TMEM215: variants seen among roughly 807,000 people sequenced by gnomAD.
TMEM215 encodes the protein transmembrane protein 215.
In TMEM215, 12 loss-of-function variants were observed where a neutral mutation model predicts 14.7. That is an observed-to-expected ratio of 0.82 (90% confidence interval 0.52 to 1.33). The LOEUF (loss-of-function observed/expected upper bound fraction) is 1.33, where lower values mean the gene tolerates loss of function less well. Ranked by LOEUF, TMEM215 falls within the 40% of genes most tolerant of loss-of-function variation. The pLI is 0.00. For missense variants in TMEM215, 276 were observed against 296.2 expected, an observed-to-expected ratio of 0.93 and a Z score of 0.50; for synonymous variants, 122 against 124.8, an observed-to-expected ratio of 0.98 and a Z score of 0.15.
At position 32,784,916 on chromosome 9, in the gene TMEM215, T is replaced by C. The variant is rs200940000; in HGVS notation, c.*25T>C. On this transcript the variant is annotated 3_prime_UTR_variant, in exon 2 of 2. Coordinates refer to ENST00000342743, the MANE Select transcript of TMEM215 (RefSeq NM_212558.3). ...ATCTCTGCCTACAAAGGTGGCTGGA[T>C]TGATAGAATATGACTAAGCCCAGCT... 1.9e-5 allele frequency: 30 copies of C among 1,586,888 alleles called. 1 individual carries two copies. In the East Asian group the frequency reaches 3.8e-4, roughly 20 times the overall value.
Position 32,786,720 on chromosome 9 carries a change from A to C in TMEM215, c.*1829A>C, listed in dbSNP as rs565356157. ...ACATTGCACAGCTACTACTCAAAAA[A>C]GAATTTTGTAGATGTATGAAAGCAG... On this transcript the variant is annotated 3_prime_UTR_variant, in exon 2 of 2. Coordinates refer to ENST00000342743, the MANE Select transcript of TMEM215 (RefSeq NM_212558.3). 6.6e-5 allele frequency: 11 copies of C among 167,000 alleles called. No individual in the cohort carries two copies. The highest frequency in any genetic ancestry group is 1.5e-4 in the Non-Finnish European group (10 of 68,046). The allele number at this position is 167,000 out of a possible 1,614,324, so 10.3% of individuals were successfully genotyped here. A position where few individuals can be genotyped will look rare whatever the true frequency, so the allele number is the denominator to read the frequency against.
intron 1 of TMEM215, 80 bp from the exon 2 acceptor site, chr9:32,784,046 G>C: frequency 1.3e-6 from 1 of 755,100 alleles, no homozygotes; most frequent in Non-Finnish European, 2.2e-6. Context: ...GGAGACAAAG[G>C]GCAAGAGAAA....
At position 32,787,018 on chromosome 9, in the gene TMEM215, TAAG is replaced by T. The variant is rs1439077081; in HGVS notation, c.*2131_*2133del. 4.8e-5 allele frequency: 8 copies of T among 166,994 alleles called. No individual in the cohort carries two copies. Among genetic ancestry groups the T allele is most frequent in the Non-Finnish European group, 1.0e-4 (7 of 68,032 alleles). The allele number at this position is 166,994 out of a possible 1,614,324, so 10.3% of individuals were successfully genotyped here. On this transcript the variant is annotated 3_prime_UTR_variant, in exon 2 of 2. Transcript: ENST00000342743. ...ACTCTTTAGGAATGAAAACTTCCTT[TAAG>T]AAGTTTGCCACCGTTAGAGATGAGG...
rs1032816522 is a variant in TMEM215 at position 32,785,918 on chromosome 9, A to G, written c.*1027A>G. ...GTGTCATTATTTGTACATTTGTTCA[A>G]CTCCTCTCACAGACTGTAAATGCCA... On this transcript the variant is annotated 3_prime_UTR_variant, in exon 2 of 2. Coordinates refer to ENST00000342743, the MANE Select transcript of TMEM215 (RefSeq NM_212558.3). 6.0e-6 allele frequency: 1 copy of G among 166,832 alleles called. No homozygotes were observed. The highest frequency in any genetic ancestry group is 6.5e-5 in the Admixed American group (1 of 15,288). 10.3% of individuals were successfully genotyped at this position (166,832 alleles called of 1,614,324 possible). A position where few individuals can be genotyped will look rare whatever the true frequency, so the allele number is the denominator to read the frequency against.
At position 32,787,760 on chromosome 9, in the gene TMEM215, A is replaced by G. The variant is rs1267445534; in HGVS notation, c.*2869A>G. On this transcript the variant is annotated 3_prime_UTR_variant, in exon 2 of 2. Transcript: ENST00000342743. ...CCTGGTAGCCTTCAAGAGCTCCTAG[A>G]CAGATATAAATTTAAGTAGACATTA... is the stretch of plus-strand genomic sequence containing the variant. Among the ~76,000 whole-genome samples, 1 of 152,132 alleles carries G rather than the reference A, an allele frequency of 6.6e-6. No individual in the cohort carries two copies. The highest frequency in any genetic ancestry group is 2.1e-4 in the South Asian group (1 of 4,830).
chr9:32,783,975 TAGAG>T (rs1245804124), intron 1 of TMEM215, among the ~76,000 whole-genome samples, 147 bp from the exon 2 acceptor site: 2 of 151,346 alleles, frequency 1.3e-5, no homozygotes, highest in African/African-American at 4.9e-5. Context: ...GAGAGAGAGA[TAGAG>T]AGATTGCAAG....
chr9:32,784,137 G>C lies in TMEM215; in HGVS notation c.-47G>C. ...TTCATCTCTGACAGAATAGAGGAAC[G>C]CTGCTCCCTGGTCAGCAAGCAGCCC... On this transcript the variant is annotated 5_prime_UTR_variant, in exon 2 of 2. Transcript: ENST00000342743. 1.3e-6 allele frequency: 2 copies of C among 1,551,160 alleles called. No individual in the cohort carries two copies. Among genetic ancestry groups the C allele is most frequent in the African/African-American group, 1.4e-5 (1 of 73,250 alleles).
In TMEM215 at chr9:32,788,598, A is replaced by G. The variant is rs1416610178; in HGVS notation, c.*3707A>G. 6.6e-6 allele frequency among the ~76,000 whole-genome samples: 1 copy of G among 152,188 alleles called. No individual in the cohort carries two copies. The highest frequency in any genetic ancestry group is 2.4e-5 in the African/African-American group (1 of 41,442). On this transcript the variant is annotated 3_prime_UTR_variant, in exon 2 of 2. Transcript: ENST00000342743. The stretch of plus-strand genomic sequence containing the variant: ...TTTTCCTATTGCTGGTTACACTGCT[A>G]TATTATTTGTTATATGCCAATAGAG...
rs780958711 is a variant in TMEM215, at chr9:32,784,392, CAG to C, written c.213_214del (p.Asn72ArgfsTer38). On this transcript the variant is annotated frameshift_variant, in exon 2 of 2. Transcript: ENST00000342743. LOFTEE classifies it high-confidence loss of function. ...AAAACCGAGGGATGCACCAAGTGGC[CAG>C]AGAACGAGCTGCTGTGGGTCCGCAA... 6.2e-7 allele frequency: 1 copy of C among 1,614,204 alleles called. No homozygotes were observed. The highest frequency in any genetic ancestry group is 1.1e-5 in the South Asian group (1 of 91,088).
Position 32,788,159 on chromosome 9 carries a change from T to C in TMEM215, c.*3268T>C, listed in dbSNP as rs964312465. On this transcript the variant is annotated 3_prime_UTR_variant, in exon 2 of 2. Coordinates refer to ENST00000342743, the MANE Select transcript of TMEM215 (RefSeq NM_212558.3). ...AAAGGAAGATTCATTCTGTTAAATG[T>C]TTTTTCTCTTTTGCAATGTCCAAGC... 6.6e-6 allele frequency among the ~76,000 whole-genome samples: 1 copy of C among 152,170 alleles called. No individual in the cohort carries two copies. Among genetic ancestry groups the C allele is most frequent in the African/African-American group, 2.4e-5 (1 of 41,452 alleles).
In TMEM215 at chr9:32,788,489, C is replaced by G. The variant is rs1211273667; in HGVS notation, c.*3598C>G. Reference sequence around the variant, plus strand: ...TATCAATGAACGATTGTGTAATATGCCATTTTAGTGATGTTCCATAATTTA... The same window carrying G: ...TATCAATGAACGATTGTGTAATATGGCATTTTAGTGATGTTCCATAATTTA... On this transcript the variant is annotated 3_prime_UTR_variant, in exon 2 of 2. Transcript: ENST00000342743. Among the ~76,000 whole-genome samples, 2 of 152,118 alleles carry G rather than the reference C, an allele frequency of 1.3e-5. No individual in the cohort carries two copies. Among genetic ancestry groups the G allele is most frequent in the African/African-American group, 4.8e-5 (2 of 41,420 alleles).
rs147544032 is a variant in TMEM215, at chr9:32,784,877, G to A, written c.694G>A (p.Glu232Lys). 2.7e-5 allele frequency: 44 copies of A among 1,611,934 alleles called. No homozygotes were observed. The highest frequency in any genetic ancestry group is 2.0e-5 in the Non-Finnish European group (24 of 1,179,372). Reference sequence around the variant, plus strand: ...TCAGATACAAGGCAGGTGGGACCACGAGACCATCGTCTAATCTCTGCCTAC... The same window carrying A: ...TCAGATACAAGGCAGGTGGGACCACAAGACCATCGTCTAATCTCTGCCTAC... The part of the protein sequence containing the change: ...INQIQGRWDH[E>K]TIV Residue 232 changes from glutamate (E) to lysine (K), a missense_variant, in exon 2 of 2, where the codon GAG becomes AAG. Coordinates refer to ENST00000342743, the MANE Select transcript of TMEM215 (RefSeq NM_212558.3).
Position 32,784,702 on chromosome 9 carries a change from C to T in TMEM215, c.519C>T (p.Thr173=). The part of the protein sequence containing the change: ...DGYCPSGSSL[T]YSALDVKCSA... ...ACTGCCCCTCGGGCAGTTCCCTCAC[C>T]TACAGTGCCTTGGACGTCAAGTGCT... Residue 173 remains threonine, a synonymous_variant, in exon 2 of 2, where the codon ACC becomes ACT. Coordinates refer to ENST00000342743, the MANE Select transcript of TMEM215 (RefSeq NM_212558.3). 6.2e-7 allele frequency: 1 copy of T among 1,614,144 alleles called. No individual in the cohort carries two copies. Among genetic ancestry groups the T allele is most frequent in the South Asian group, 1.1e-5 (1 of 91,084 alleles).
chr9:32,784,468 G>A lies in TMEM215; in HGVS notation c.285G>A (p.Leu95=). The A allele has an allele frequency of 6.2e-7, 1 of 1,614,142 alleles. No individual in the cohort carries two copies. The highest frequency in any genetic ancestry group is 8.5e-7 in the Non-Finnish European group (1 of 1,180,038). The part of the protein sequence containing the change: ...KPKDKEVVEL[L]RTPSDLESGK... ...AAGACAAGGAGGTGGTAGAGCTGCT[G>A]AGGACCCCTTCAGACCTAGAATCCG... is the stretch of plus-strand genomic sequence containing the variant. The change falls in exon 2 of 2, where the codon CTG becomes CTA. Residue 95 remains leucine, a synonymous_variant. Coordinates refer to ENST00000342743, the MANE Select transcript of TMEM215 (RefSeq NM_212558.3).
chr9:32,788,950 C>T lies in TMEM215; in HGVS notation c.*4059C>T, dbSNP rs1587097465. On this transcript the variant is annotated 3_prime_UTR_variant, in exon 2 of 2. Transcript: ENST00000342743. Reference sequence around the variant, plus strand: ...AAATAGATGTAAACAATAATAATGACTTTGTAATATGCCAAAAGCATTTTC... The same window carrying T: ...AAATAGATGTAAACAATAATAATGATTTTGTAATATGCCAAAAGCATTTTC... 1.3e-5 allele frequency among the ~76,000 whole-genome samples: 2 copies of T among 152,198 alleles called. No individual in the cohort carries two copies. The highest frequency in any genetic ancestry group is 1.3e-4 in the Admixed American group (2 of 15,284).
At position 32,784,223 on chromosome 9, in the gene TMEM215, G is replaced by T. The variant is rs1260253324; in HGVS notation, c.40G>T (p.Val14Leu). ...CATTAACCCGAGGACTGGGCTGGTG[G>T]TGGCCCTGGTCAGTGTCTTCCTCGT... ...DDINPRTGLV[V>L]ALVSVFLVFG... is the part of the protein sequence containing the mutation. The change falls in exon 2 of 2, where the codon GTG becomes TTG. Residue 14 changes from valine to leucine, a missense_variant. Transcript: ENST00000342743. 1 of 1,614,046 alleles carries T rather than the reference G, an allele frequency of 6.2e-7. No homozygotes were observed. The highest frequency in any genetic ancestry group is 8.5e-7 in the Non-Finnish European group (1 of 1,180,014).
At position 32,787,832 on chromosome 9, in the gene TMEM215, A is replaced by G. The variant is rs553468208; in HGVS notation, c.*2941A>G. 2.0e-5 allele frequency among the ~76,000 whole-genome samples: 3 copies of G among 152,234 alleles called. No homozygotes were observed. The highest frequency in any genetic ancestry group is 7.2e-5 in the African/African-American group (3 of 41,558). ...AGTAGACATTGCGACTTGATTCTGA[A>G]TAGGCATTTTATTTTCAAAATTTTT... On this transcript the variant is annotated 3_prime_UTR_variant, in exon 2 of 2. Transcript: ENST00000342743.
At position 32,788,792 on chromosome 9, in the gene TMEM215, T is replaced by A. The variant is rs1386910510; in HGVS notation, c.*3901T>A. Reference sequence around the variant, plus strand: ...ATGCTTCTTCCAAAAGATCCTCCCATCAGGACCAGAACTAGTATGTTTAGG... The same window carrying A: ...ATGCTTCTTCCAAAAGATCCTCCCAACAGGACCAGAACTAGTATGTTTAGG... On this transcript the variant is annotated 3_prime_UTR_variant, in exon 2 of 2. Coordinates refer to ENST00000342743, the MANE Select transcript of TMEM215 (RefSeq NM_212558.3). Among the ~76,000 whole-genome samples the A allele has an allele frequency of 6.6e-6, 1 of 152,166 alleles. No homozygotes were observed. Among genetic ancestry groups the A allele is most frequent in the Non-Finnish European group, 1.5e-5 (1 of 68,034 alleles).
rs1332552159 is a variant in TMEM215 at position 32,787,655 on chromosome 9, G to A, written c.*2764G>A. Among the ~76,000 whole-genome samples the A allele has an allele frequency of 1.3e-5, 2 of 152,020 alleles. No homozygotes were observed. Among genetic ancestry groups the A allele is most frequent in the Non-Finnish European group, 2.9e-5 (2 of 67,952 alleles). On this transcript the variant is annotated 3_prime_UTR_variant, in exon 2 of 2. Coordinates refer to ENST00000342743, the MANE Select transcript of TMEM215 (RefSeq NM_212558.3). ...AAAAAAGTGTCTCAGCCCTTTAGAG[G>A]AAAAGAGAGCAACTCATTCTGATGA...
Sources: gnomAD v4.1 joint callset for allele counts (sites outside exome capture counted in the v4.1 genomes callset) on GRCh38, gnomAD v4.1.1 for gene constraint, MANE v1.5 for transcripts, NCBI Gene and HGNC (gene_info 2026-07-23, HGNC 2026-07-21) for gene names.